Variants in PDE4DIP observed in about 807,000 individuals in gnomAD.
PDE4DIP encodes phosphodiesterase 4D interacting protein, also known as myomegalin.
A neutral mutation model predicts 221.4 loss-of-function variants in PDE4DIP; 59 were observed. That is an observed-to-expected ratio of 0.27 (90% confidence interval 0.22 to 0.33). The LOEUF (loss-of-function observed/expected upper bound fraction) is 0.33. Ranked by LOEUF, PDE4DIP falls within the 10% of genes least tolerant of loss-of-function variation. The pLI is 1.00. For synonymous variants in PDE4DIP, 404 were observed against 815.9 expected (o/e 0.50, Z 8.60); for missense variants, 1,036 against 2,154.2 (o/e 0.48, Z 10.28).
intron 38 of PDE4DIP, chr1:149,025,834 A>G (rs1338201057): frequency 6.6e-6 from 1 of 150,920 alleles, no homozygotes; most frequent in African/African-American, 2.4e-5. Flanking sequence ...TGACAATAAC[A>G]TGATTATGCT....
intron 4 of PDE4DIP, chr1:148,932,540 TA>T (rs2048300117): frequency 6.5e-7 from 1 of 1,541,970 alleles, no homozygotes; most frequent in Non-Finnish European, 8.8e-7. Flanking sequence ...AGCAAACATT[TA>T]CTGGGCATGC....
In PDE4DIP at chr1:148,971,375, GA is replaced by G. The variant is rs1398523820; in HGVS notation, c.1981-797del. On this transcript the variant is annotated intron_variant, in intron 14 of 43. Transcript: ENST00000369354. ...TCTATTAGATAATGGTAAGTGCATC[GA>G]AAAAAAATTAAGCACAGTAAGAAGT... 3.4e-5 allele frequency among the ~76,000 whole-genome samples: 5 copies of G among 148,648 alleles called. No homozygotes were observed. The South Asian group carries it at 8.7e-4, about 26-fold the overall frequency.
chr1:149,022,643 T>TG (rs2073384201), intron 37 of PDE4DIP, among the ~76,000 whole-genome samples: 1 of 151,288 alleles, frequency 6.6e-6, no homozygotes, highest in Non-Finnish European at 1.5e-5. Context: ...CAGGAGAAGC[T>TG]TGAGGTTGGA....
At chr1:148,937,454 A>G (rs1375094632) in intron 4 of PDE4DIP, among the ~76,000 whole-genome samples, 7 of 152,110 alleles carry the variant, frequency 4.6e-5, no homozygotes, top group African/African-American at 1.4e-4. Context: ...CACCACCAAA[A>G]AATTCTAGGC....
At chr1:148,884,944 A>T (rs1695339160), upstream of PDE4DIP, among the ~76,000 whole-genome samples, 1 of 148,470 alleles carries the variant, frequency 6.7e-6, no homozygotes, top group Non-Finnish European at 1.5e-5. Flanking sequence ...ATCCTAAAAC[A>T]TCTACATAAT....
At chr1:148,937,060 G>C (rs1353738518) in intron 4 of PDE4DIP, among the ~76,000 whole-genome samples, 1 of 152,132 alleles carries the variant, frequency 6.6e-6, no homozygotes, top group Non-Finnish European at 1.5e-5. Context: ...TGTTATATTT[G>C]TATACAACTG....
intron 23 of PDE4DIP, among the ~76,000 whole-genome samples, chr1:148,999,528 A>G (rs79852158): frequency 0.17 from 26,048 of 152,178 alleles, 2,245 homozygotes; most frequent in Admixed American, 0.22. Context: ...CCTTGCTTCT[A>G]TACTACATAC....
intron 22 of PDE4DIP, among the ~76,000 whole-genome samples, chr1:148,997,056 G>A (rs1315965343): frequency 6.6e-6 from 1 of 152,250 alleles, no homozygotes; most frequent in Non-Finnish European, 1.5e-5. Context: ...GGCCAAAATT[G>A]ACCCAAAGTT....
chr1:148,911,849 G>A (rs1464386364), intron 1 of PDE4DIP, among the ~76,000 whole-genome samples: 6 of 149,782 alleles, frequency 4.0e-5, no homozygotes, highest in Admixed American at 1.3e-4. Context: ...TGCCATGTGA[G>A]CTTTCCCCAT....
At chr1:148,933,106 A>G (rs1573715607) in intron 4 of PDE4DIP, among the ~76,000 whole-genome samples, 1 of 152,302 alleles carries the variant, frequency 6.6e-6, no homozygotes, top group East Asian at 1.9e-4. Flanking sequence ...GTGTTTTGTT[A>G]TAGCAGCCCA....
chr1:148,930,439 C>A (rs1459902079), intron 2 of PDE4DIP: 3 of 150,708 alleles, frequency 2.0e-5, no homozygotes, highest in East Asian at 3.9e-4. Flanking sequence ...ATGGCGTGAA[C>A]CCGGGAGGCG....
At chr1:149,006,993 C>T (rs1436012901) in intron 27 of PDE4DIP, among the ~76,000 whole-genome samples, 1 of 141,858 alleles carries the variant, frequency 7.0e-6, no homozygotes, top group African/African-American at 2.7e-5. Flanking sequence ...TGAGCTACCA[C>T]GCCCGGCCCG....
chr1:148,830,432 T>C (rs1671692947), intron 1 of PDE4DIP, among the ~76,000 whole-genome samples: 1 of 90,530 alleles, frequency 1.1e-5, no homozygotes, highest in Non-Finnish European at 2.2e-5. Flanking sequence ...CATTCTTTTT[T>C]TTTTTTTTTT....
chr1:149,029,788 G>T (rs1182967662), exon 42 of PDE4DIP: 5 of 1,503,160 alleles, frequency 3.3e-6, no homozygotes, highest in Non-Finnish European at 3.7e-6. Flanking sequence ...CTTATCCAGG[G>T]AGAATCAACA....
intron 2 of PDE4DIP, chr1:148,866,610 GAGGGAGGGAGGGAGGGAGGGGGA>G (rs1372020856): frequency 5.1e-5 from 2 of 38,904 alleles, no homozygotes; most frequent in Non-Finnish European, 5.1e-5. Context: ...GGAAGGAAGG[GAGGGAGGGAGGGAGGGAGGGGGA>G]AGGGAGGGGA....
Position 148,953,873 on chromosome 1 carries a change from C to G in PDE4DIP, c.637-6781C>G, listed in dbSNP as rs1237514740. 1.8e-5 allele frequency: 29 copies of G among 1,611,412 alleles called. No individual in the cohort carries two copies. The Admixed American group carries it at 4.9e-4, about 27-fold the overall frequency. ...AGACCTGCAGGAGCTGTGGGATGAT[C>G]TCTGTGAAGATTATTTGCCGCTCCG... is the stretch of plus-strand genomic sequence containing the variant. On this transcript the variant is annotated intron_variant, in intron 5 of 43. Coordinates refer to ENST00000369354, the Ensembl canonical transcript of PDE4DIP.
At chr1:148,926,809 G>A (rs2046817087) in intron 1 of PDE4DIP, among the ~76,000 whole-genome samples, 1 of 150,536 alleles carries the variant, frequency 6.6e-6, no homozygotes. Context: ...CCACAAAGCT[G>A]GGGACATAGC....
At chr1:149,020,652 T>G in intron 36 of PDE4DIP, 1 of 361,632 alleles carries the variant, frequency 2.8e-6, no homozygotes, top group Non-Finnish European at 5.1e-6. Context: ...GACATTAGTC[T>G]CACCATCACC....
rs587674370 is a variant in PDE4DIP, at chr1:148,989,545, C to T, written c.2816-2340C>T. On this transcript the variant is annotated intron_variant, in intron 21 of 43. Coordinates refer to ENST00000369354, the Ensembl canonical transcript of PDE4DIP. ...AGTGATAGTCACCCTTTCCAATTCTCGCTTCTGGAACCTGGCAGGAATGGT... is the reference window on the plus strand; with the variant it reads ...AGTGATAGTCACCCTTTCCAATTCTTGCTTCTGGAACCTGGCAGGAATGGT... 2.6e-5 allele frequency among the ~76,000 whole-genome samples: 4 copies of T among 152,330 alleles called. No homozygotes were observed. The South Asian group carries it at 6.2e-4, about 24-fold the overall frequency.
Sources: gnomAD v4.1 joint callset for allele counts (sites outside exome capture counted in the v4.1 genomes callset) on GRCh38, gnomAD v4.1.1 for gene constraint, MANE v1.5 for transcripts, NCBI Gene and HGNC (gene_info 2026-07-23, HGNC 2026-07-21) for gene names.